SYT12: variants seen among roughly 807,000 people sequenced by gnomAD.
SYT12 encodes the protein synaptotagmin-12.
A neutral mutation model predicts 39.5 loss-of-function variants in SYT12; 27 were observed. The observed-to-expected ratio is 0.68, with a 90% CI of 0.50 to 0.94. The LOEUF is 0.94. Ranked by LOEUF, SYT12 falls within the 40% of genes least tolerant of loss-of-function variation. The pLI is 0.00. For synonymous variants in SYT12, 233 were observed against 239.7 expected (o/e 0.97, Z 0.26); for missense variants, 536 against 572.6 (o/e 0.94, Z 0.65).
intron 2 of SYT12, chr11:67,031,965 C>G (rs535333211): frequency 6.6e-6 from 1 of 152,400 alleles, no homozygotes; most frequent in South Asian, 2.1e-4. Flanking sequence ...CGGGAGCCTC[C>G]ATGGATCTCT....
chr11:67,048,646 C>T lies in SYT12; in HGVS notation c.1155C>T (p.Gly385=). The change falls in exon 8 of 8, where the codon GGC becomes GGT. Residue 385 remains glycine (G), a synonymous_variant. Coordinates refer to ENST00000527043, the MANE Select transcript of SYT12 (RefSeq NM_177963.4). ...GCGACGGCCGTGGGGACAACGTGGG[C>T]CATGTCATCATTGGGCCGTCAGCCA... ...SSSDGRGDNV[G]HVIIGPSASG... 2.5e-6 allele frequency: 4 copies of T among 1,612,824 alleles called. No homozygotes were observed. The highest frequency in any genetic ancestry group is 1.7e-5 in the Admixed American group (1 of 60,004).
At chr11:67,047,797 T>C (rs1253766184) in intron 7 of SYT12, among the ~76,000 whole-genome samples, 1 of 120,110 alleles carries the variant, frequency 8.3e-6, no homozygotes, top group Non-Finnish European at 1.7e-5. Flanking sequence ...TTTTTTTTTT[T>C]TTTTTTTTGA....
At chr11:67,009,050 G>A (rs1370179426) in intron 1 of SYT12, among the ~76,000 whole-genome samples, 1 of 152,122 alleles carries the variant, frequency 6.6e-6, no homozygotes, top group Non-Finnish European at 1.5e-5. Flanking sequence ...TGGCTCTGTC[G>A]CCCAGGCTAG....
At chr11:67,021,540 T>G (rs1950109794), upstream of SYT12, among the ~76,000 whole-genome samples, 1 of 151,984 alleles carries the variant, frequency 6.6e-6, no homozygotes, top group South Asian at 2.1e-4. Context: ...CTCAGCCTCC[T>G]AAAGTGCTGG....
At position 67,023,869 on chromosome 11, in the gene SYT12, G is replaced by T. The variant is rs554989777; in HGVS notation, c.-24+409G>T. Among the ~76,000 whole-genome samples the T allele has an allele frequency of 3.3e-5, 5 of 152,330 alleles. 1 individual carries two copies. In the South Asian group the frequency reaches 6.2e-4, roughly 19 times the overall value. On this transcript the variant is annotated intron_variant, in intron 1 of 7. Coordinates refer to ENST00000527043, the MANE Select transcript of SYT12 (RefSeq NM_177963.4). ...CCCTGGAGGTTCCCGAGGCAGGAGC[G>T]CTGGGTCTGCAGGAACCGTCCCAAT...
chr11:67,045,706 AGT>A, intron 6 of SYT12, 36 bp from the exon 7 acceptor site: 18 of 1,607,396 alleles, frequency 1.1e-5, no homozygotes, highest in Non-Finnish European at 1.4e-5. Flanking sequence ...GTGGTGAGTG[AGT>A]GTGACACTGG....
At chr11:67,041,761 C>G (rs545858216) in intron 4 of SYT12, among the ~76,000 whole-genome samples, 2 of 152,332 alleles carry the variant, frequency 1.3e-5, no homozygotes, top group East Asian at 3.9e-4. Flanking sequence ...CTTCCCTCCC[C>G]CTCCAGTTTC....
At chr11:67,038,722 C>T (rs890000218) in intron 3 of SYT12, among the ~76,000 whole-genome samples, 1 of 151,860 alleles carries the variant, frequency 6.6e-6, no homozygotes, top group Non-Finnish European at 1.5e-5. Context: ...GGCGTGGTGG[C>T]TCACGCCTGT....
upstream of SYT12, among the ~76,000 whole-genome samples, chr11:67,020,183 G>A (rs551743229): frequency 1.1e-4 from 17 of 152,308 alleles, no homozygotes; most frequent in Middle Eastern, 3.4e-3. Context: ...AGGATGTGAT[G>A]CACAGAAGAC....
At chr11:67,009,550 CGAAAGTGCTGG>C (rs546250817) in intron 1 of SYT12, among the ~76,000 whole-genome samples, 57 of 152,282 alleles carry the variant, frequency 3.7e-4, no homozygotes, top group Middle Eastern at 3.4e-3. Context: ...CCACAGCCTC[CGAAAGTGCTGG>C]GATTATAAGC....
At chr11:67,028,831 C>T (rs1950216846) in intron 1 of SYT12, 1 of 152,240 alleles carries the variant, frequency 6.6e-6, no homozygotes, top group South Asian at 2.1e-4. Flanking sequence ...GATCAAGCCA[C>T]GGTGGTTGGC....
chr11:67,017,360 AT>A (rs11444184), intron 3 of SYT12, among the ~76,000 whole-genome samples: 2,218 of 139,456 alleles, frequency 0.016, 25 homozygotes, highest in Non-Finnish European at 0.019. Context: ...CATTTCTACA[AT>A]TTTTTTTTTT....
chr11:67,048,945 GC>G lies in SYT12; in HGVS notation c.*192del. 1 of 649,922 alleles carries G rather than the reference GC, an allele frequency of 1.5e-6. No homozygotes were observed. The highest frequency in any genetic ancestry group is 2.5e-6 in the Non-Finnish European group (1 of 398,974). 40.3% of individuals were successfully genotyped at this position (649,922 alleles called of 1,614,324 possible). ...GAGTGGGCGTGGCTCTGTGTCCAGG[GC>G]CCCAGGGTCTGCTCCTGCTGAGGAC... is the stretch of plus-strand genomic sequence containing the variant. On this transcript the variant is annotated 3_prime_UTR_variant, in exon 8 of 8. Transcript: ENST00000527043.
intron 4 of SYT12, among the ~76,000 whole-genome samples, chr11:67,041,899 G>T (rs1950519227): frequency 6.6e-6 from 1 of 152,192 alleles, no homozygotes; most frequent in South Asian, 2.1e-4. Context: ...AAAGCGTGAG[G>T]GGCAGGGAAG....
intron 3 of SYT12, among the ~76,000 whole-genome samples, chr11:67,014,094 G>A (rs1225957642): frequency 1.3e-5 from 2 of 152,212 alleles, no homozygotes; most frequent in Non-Finnish European, 2.9e-5. Context: ...CCCATCGCAT[G>A]TAGGACCCAC....
chr11:67,024,926 G>C (rs1371140633), intron 1 of SYT12, among the ~76,000 whole-genome samples: 1 of 152,164 alleles, frequency 6.6e-6, no homozygotes, highest in Non-Finnish European at 1.5e-5. Flanking sequence ...CCTCTCCCCC[G>C]CCGAGGCACA....
chr11:67,047,483 G>A (rs1445378897), intron 7 of SYT12, among the ~76,000 whole-genome samples: 1 of 151,164 alleles, frequency 6.6e-6, no homozygotes. Flanking sequence ...GGCCAGGCTG[G>A]TCTCGAACTC....
rs975334094 is a variant in SYT12, at chr11:67,030,075, C to T, written c.-23-47C>T. 28 of 1,583,318 alleles carry T rather than the reference C, an allele frequency of 1.8e-5. No homozygotes were observed. The East Asian group carries it at 2.2e-4, about 13-fold the overall frequency. On this transcript the variant is annotated intron_variant, in intron 1 of 7. Coordinates refer to ENST00000527043, the MANE Select transcript of SYT12 (RefSeq NM_177963.4). The stretch of plus-strand genomic sequence containing the variant: ...AGGAGGCCAGGACCTAGGAGCGGGA[C>T]GCTGACTCTCTGCAGCCCTCTCCTC...
rs763207282 is a variant in SYT12, at chr11:67,040,049, T to G, written c.467T>G (p.Val156Gly). Residue 156 changes from valine to glycine, a missense_variant, in exon 4 of 8, where the codon GTG (valine) becomes GGG (glycine). By Grantham distance (109) the Val-to-Gly change is moderately radical (BLOSUM62 -3). Coordinates refer to ENST00000527043, the MANE Select transcript of SYT12 (RefSeq NM_177963.4). The part of the protein sequence containing the change: ...TFGQDFTLGQ[V>G]EVSMEYDTAS... ...GGGCAGGACTTCACACTGGGCCAGG[T>G]GGAGGTGAGCATGGAGTACGACACT... 1 of 1,613,776 alleles carries G rather than the reference T, an allele frequency of 6.2e-7. No homozygotes were observed. The highest frequency in any genetic ancestry group is 8.5e-7 in the Non-Finnish European group (1 of 1,179,974).
Sources: allele counts gnomAD v4.1 joint callset (sites outside exome capture counted in the v4.1 genomes callset), GRCh38; gene constraint gnomAD v4.1.1; transcripts MANE v1.5; gene names NCBI Gene and HGNC (gene_info 2026-07-23, HGNC 2026-07-21).